Variants in USH2A observed in about 807,000 individuals in gnomAD.
The protein encoded by USH2A is usherin.
USH2A carries 443 observed loss-of-function variants against 538.9 expected under a neutral mutation model. The observed-to-expected ratio is 0.82, with a 90% CI of 0.76 to 0.89. The LOEUF (loss-of-function observed/expected upper bound fraction) is 0.89, where lower values mean the gene tolerates loss of function less well. Among genes scored for constraint, USH2A ranks in the 40% least tolerant of loss-of-function variants. The probability of loss-of-function intolerance (pLI) is 0.00; values close to 1 mark genes in which losing one functional copy is unlikely to be tolerated. For synonymous variants in USH2A, 2,413 were observed against 2,273.5 expected (o/e 1.06, Z -1.75); for missense variants, 6,633 against 6,324.8 (o/e 1.05, Z -1.65).
chr1:216,119,610 C>T (rs1357302138), intron 21 of USH2A, among the ~76,000 whole-genome samples: 2 of 151,936 alleles, frequency 1.3e-5, no homozygotes, highest in African/African-American at 2.4e-5. Flanking sequence ...AACGAAATAT[C>T]CCATATAAAT....
chr1:215,986,523 G>A (rs1667878937), intron 35 of USH2A, among the ~76,000 whole-genome samples: 2 of 152,020 alleles, frequency 1.3e-5, no homozygotes, highest in Admixed American at 1.3e-4. Flanking sequence ...CTTTCATACT[G>A]AGACATGCAG....
At chr1:216,280,555 C>G (rs1008217982) in intron 11 of USH2A, among the ~76,000 whole-genome samples, 1 of 152,078 alleles carries the variant, frequency 6.6e-6, no homozygotes, top group African/African-American at 2.4e-5. Flanking sequence ...ATCATTATTA[C>G]TCTTCATTTT....
At chr1:216,333,000 C>A (rs558595623) in intron 4 of USH2A, among the ~76,000 whole-genome samples, 1 of 152,194 alleles carries the variant, frequency 6.6e-6, no homozygotes, top group East Asian at 1.9e-4. Context: ...CAATTGTAAG[C>A]TCATACATTA....
At chr1:215,865,535 G>C (rs1311311132) in intron 44 of USH2A, among the ~76,000 whole-genome samples, 1 of 152,182 alleles carries the variant, frequency 6.6e-6, no homozygotes, top group Non-Finnish European at 1.5e-5. Flanking sequence ...AGGCTTTTAA[G>C]ATGAATCAGT....
intron 32 of USH2A, among the ~76,000 whole-genome samples, chr1:216,009,094 C>T (rs558930580): frequency 3.9e-5 from 6 of 152,012 alleles, no homozygotes; most frequent in Admixed American, 3.9e-4. Context: ...TCTCTGCACC[C>T]CAATCCCTTA....
intron 32 of USH2A, among the ~76,000 whole-genome samples, chr1:216,012,517 A>G (rs1292510208): frequency 1.3e-5 from 2 of 152,156 alleles, no homozygotes; most frequent in Non-Finnish European, 2.9e-5. Context: ...CCCTTCTGTC[A>G]GACATAATTC....
intron 21 of USH2A, among the ~76,000 whole-genome samples, chr1:216,121,191 A>G (rs1220367449): frequency 1.3e-5 from 2 of 150,198 alleles, no homozygotes; most frequent in East Asian, 2.1e-4. Flanking sequence ...AAAGATTAGT[A>G]CAATTTAAAA....
intron 37 of USH2A, among the ~76,000 whole-genome samples, chr1:215,946,308 T>C (rs1451101701): frequency 6.6e-6 from 1 of 152,228 alleles, no homozygotes; most frequent in Admixed American, 6.5e-5. Context: ...ATAGGTGTTC[T>C]TGGTTTTAAC....
intron 38 of USH2A, among the ~76,000 whole-genome samples, chr1:215,910,866 G>C (rs557297881): frequency 1.8e-4 from 27 of 151,780 alleles, no homozygotes; most frequent in African/African-American, 5.6e-4. Flanking sequence ...CTTCATAATT[G>C]AGATCGCTCT....
intron 49 of USH2A, among the ~76,000 whole-genome samples, chr1:215,803,783 C>T (rs1401401999): frequency 2.0e-5 from 3 of 152,106 alleles, no homozygotes; most frequent in African/African-American, 7.2e-5. Flanking sequence ...GAAAAAACTA[C>T]TTTAAAATTC....
chr1:215,837,260 CTG>C (rs148910436), intron 47 of USH2A, among the ~76,000 whole-genome samples: 19 of 149,940 alleles, frequency 1.3e-4, no homozygotes, highest in South Asian at 2.1e-4. Flanking sequence ...GTGTATGTGT[CTG>C]TGTGTGTGTG....
intron 47 of USH2A, among the ~76,000 whole-genome samples, chr1:215,827,945 T>C (rs915672236): frequency 2.6e-5 from 4 of 152,150 alleles, no homozygotes; most frequent in African/African-American, 9.7e-5. Flanking sequence ...AACTGTAAAA[T>C]CATTACTTCA....
intron 58 of USH2A, among the ~76,000 whole-genome samples, chr1:215,758,064 A>C (rs1176631785): frequency 6.6e-6 from 1 of 151,886 alleles, no homozygotes; most frequent in East Asian, 1.9e-4. Context: ...CGGGTGAATT[A>C]CCTGAGGTCT....
At chr1:216,098,367 A>G (rs1258664805) in intron 21 of USH2A, among the ~76,000 whole-genome samples, 1 of 152,260 alleles carries the variant, frequency 6.6e-6, no homozygotes, top group Non-Finnish European at 1.5e-5. Context: ...TGAAAATCAA[A>G]TAACATCTCA....
intron 11 of USH2A, 119 bp downstream of exon 11, chr1:216,289,160 CA>C (rs2036947137): frequency 2.1e-6 from 3 of 1,446,554 alleles, no homozygotes. Flanking sequence ...CTTTGAAATG[CA>C]AATGCACATA....
chr1:216,223,557 G>A (rs1002966864), intron 14 of USH2A, among the ~76,000 whole-genome samples: 2 of 152,096 alleles, frequency 1.3e-5, no homozygotes, highest in East Asian at 1.9e-4. Flanking sequence ...ACATCCTGAC[G>A]GTTCGGGCCT....
chr1:216,052,397 CT>C (rs2030820927), intron 30 of USH2A, among the ~76,000 whole-genome samples: 1 of 150,612 alleles, frequency 6.6e-6, no homozygotes, highest in South Asian at 2.1e-4. Context: ...AAGAAGAAAG[CT>C]GATGTTTTGG....
chr1:216,030,469 AAT>A lies in USH2A; in HGVS notation c.6325+15960_6325+15961del, dbSNP rs1669090163. Among the ~76,000 whole-genome samples the A allele has an allele frequency of 5.0e-5, 6 of 120,236 alleles. No homozygotes were observed. The East Asian group carries it at 1.3e-3, about 25-fold the overall frequency. The allele number at this position is 120,236 out of a possible 152,430, so 78.9% of individuals were successfully genotyped here. On this transcript the variant is annotated intron_variant, in intron 32 of 71. Transcript: ENST00000307340. Reference sequence around the variant, plus strand: ...ATATAGATATATATCACAGACATATAATATATATGATATATAGATATATATCA... The same window carrying A: ...ATATAGATATATATCACAGACATATAATATATGATATATAGATATATATCA...
intron 32 of USH2A, among the ~76,000 whole-genome samples, chr1:216,005,075 T>C (rs761975957): frequency 9.2e-5 from 14 of 152,160 alleles, no homozygotes; most frequent in Admixed American, 1.3e-4. Flanking sequence ...CTAATAATGG[T>C]CAATGAGATC....
Sources: allele counts gnomAD v4.1 joint callset (sites outside exome capture counted in the v4.1 genomes callset), GRCh38; gene constraint gnomAD v4.1.1; transcripts MANE v1.5; gene names NCBI Gene and HGNC (gene_info 2026-07-23, HGNC 2026-07-21).